NEMP1: variants seen among roughly 807,000 people sequenced by gnomAD.
The protein encoded by NEMP1 is transmembrane protein 194.
Under a neutral mutation model 53.7 loss-of-function variants are expected in NEMP1, and 29 were observed. The ratio of observed to expected loss-of-function variants is 0.54; its 90% confidence interval spans 0.40 to 0.74. The LOEUF (loss-of-function observed/expected upper bound fraction) is 0.74, where lower values mean the gene tolerates loss of function less well. Among genes scored for constraint, NEMP1 ranks in the 30% least tolerant of loss-of-function variants. The pLI, the probability that NEMP1 is intolerant of heterozygous loss-of-function variation, is 0.00. For missense variants in NEMP1, 477 were observed against 528.6 expected (o/e 0.90, Z 0.96); for synonymous variants, 193 against 192.9 (o/e 1.00, Z 0.00).
At chr12:57,079,135 C>T (rs1202931936), upstream of NEMP1, among the ~76,000 whole-genome samples, 1 of 152,184 alleles carries the variant, frequency 6.6e-6, no homozygotes, top group Non-Finnish European at 1.5e-5. Context: ...TCTGAAGTTC[C>T]TTCCGTTTTC....
intron 4 of NEMP1, among the ~76,000 whole-genome samples, 184 bp downstream of exon 4, chr12:57,069,050 T>C (rs2032225055): frequency 6.6e-6 from 1 of 152,164 alleles, no homozygotes. Flanking sequence ...ATTGTCAACA[T>C]TGTTCAAATA....
In NEMP1 at chr12:57,058,991, A is replaced by G. The variant is rs980324946; in HGVS notation, c.*888T>C. On this transcript the variant is annotated 3_prime_UTR_variant, in exon 9 of 9. Transcript: ENST00000300128. ...TCTCCTAGCTAGCAGGAATAATGCT[A>G]CTCTGAACATACATAGTTCACAGGT... is the stretch of plus-strand genomic sequence containing the variant. 5 of 152,212 alleles carry G rather than the reference A, an allele frequency of 3.3e-5. No individual in the cohort carries two copies. The highest frequency in any genetic ancestry group is 1.2e-4 in the African/African-American group (5 of 41,458). The allele number at this position is 152,212 out of a possible 1,614,324, so 9.4% of individuals were successfully genotyped here.
intron 7 of NEMP1, among the ~76,000 whole-genome samples, chr12:57,062,450 A>C (rs2031856506): frequency 6.6e-6 from 1 of 151,732 alleles, no homozygotes. Context: ...ATTGTGCTCC[A>C]GCCTGGGTGA....
At chr12:57,088,094 G>T (rs1197293637), upstream of NEMP1, 1 of 152,220 alleles carries the variant, frequency 6.6e-6, no homozygotes, top group African/African-American at 2.4e-5. Flanking sequence ...TCTTCCACTA[G>T]ACTCTCGGGC....
At chr12:57,066,200 A>G (rs1486539789) in intron 4 of NEMP1, among the ~76,000 whole-genome samples, 1 of 152,158 alleles carries the variant, frequency 6.6e-6, no homozygotes, top group Non-Finnish European at 1.5e-5. Flanking sequence ...GCTTGCAGTG[A>G]GCCGAGATCA....
At chr12:57,073,164 T>C (rs1177278503) in intron 1 of NEMP1, among the ~76,000 whole-genome samples, 2 of 151,294 alleles carry the variant, frequency 1.3e-5, no homozygotes, top group East Asian at 3.9e-4. Context: ...AGTATCTATT[T>C]TTTTTTTTTT....
intron 1 of NEMP1, among the ~76,000 whole-genome samples, chr12:57,086,320 C>T (rs1448649850): frequency 6.6e-6 from 1 of 152,158 alleles, no homozygotes; most frequent in East Asian, 1.9e-4. Context: ...AGGAGACCAG[C>T]ACAGATAAAA....
In NEMP1 at chr12:57,059,069, AGAG is replaced by A. The variant is rs1237487791; in HGVS notation, c.*807_*809del. The stretch of plus-strand genomic sequence containing the variant: ...AAAGGCAGGGTAAGGAAGAATGGGA[AGAG>A]AAGAATACAAATGTTTTTTAAGATG... On this transcript the variant is annotated 3_prime_UTR_variant, in exon 9 of 9. Transcript: ENST00000300128. 1.3e-5 allele frequency: 2 copies of A among 152,266 alleles called. No homozygotes were observed. The highest frequency in any genetic ancestry group is 2.9e-5 in the Non-Finnish European group (2 of 68,050). The allele number at this position is 152,266 out of a possible 1,614,324, so 9.4% of individuals were successfully genotyped here.
chr12:57,085,449 C>T (rs984680351), intron 1 of NEMP1, among the ~76,000 whole-genome samples: 10 of 152,202 alleles, frequency 6.6e-5, no homozygotes, highest in Admixed American at 4.6e-4. Context: ...CCCTCTTATA[C>T]TTCTGTCATT....
At chr12:57,072,029 G>A (rs887665212) in intron 2 of NEMP1, among the ~76,000 whole-genome samples, 2 of 152,180 alleles carry the variant, frequency 1.3e-5, no homozygotes, top group Admixed American at 6.6e-5. Context: ...TCTTCAGCTC[G>A]GGGGTTTATG....
intron 8 of NEMP1, 150 bp downstream of exon 8, chr12:57,060,622 G>T: frequency 1.3e-6 from 1 of 769,574 alleles, no homozygotes; most frequent in Non-Finnish European, 2.1e-6. Flanking sequence ...TGCTTAATGT[G>T]TGATTATATA....
At position 57,078,770 on chromosome 12, in the gene NEMP1, C is replaced by T. The variant is rs762686042; in HGVS notation, c.-25G>A. ...TGGTTGCCTCAAGCCACCTCCTCCT[C>T]ACGTGCCTTACCCCAGCAACTAACT... On this transcript the variant is annotated 5_prime_UTR_variant, in exon 1 of 9. Transcript: ENST00000300128. The T allele has an allele frequency of 1.2e-6, 2 of 1,601,572 alleles. No individual in the cohort carries two copies. Among genetic ancestry groups the T allele is most frequent in the Non-Finnish European group, 8.5e-7 (1 of 1,171,872 alleles).
At chr12:57,061,778 A>G (rs2031821706) in intron 7 of NEMP1, among the ~76,000 whole-genome samples, 1 of 151,986 alleles carries the variant, frequency 6.6e-6, no homozygotes, top group African/African-American at 2.4e-5. Flanking sequence ...AGGTGGGCAG[A>G]TCACAAGGTC....
intron 1 of NEMP1, among the ~76,000 whole-genome samples, chr12:57,085,886 T>C (rs1363187727): frequency 5.9e-5 from 9 of 152,258 alleles, no homozygotes; most frequent in Admixed American, 1.3e-4. Context: ...CTGTGTCATG[T>C]GCCCTTTCAA....
At chr12:57,075,315 G>A (rs1038445824) in intron 1 of NEMP1, among the ~76,000 whole-genome samples, 1 of 151,088 alleles carries the variant, frequency 6.6e-6, no homozygotes, top group African/African-American at 2.4e-5. Flanking sequence ...ATGAACCCGG[G>A]AAGTGGAGCT....
upstream of NEMP1, among the ~76,000 whole-genome samples, chr12:57,081,678 C>T (rs868852178): frequency 6.4e-4 from 96 of 150,226 alleles, no homozygotes; most frequent in Non-Finnish European, 1.2e-3. Flanking sequence ...GAGGCTGAGG[C>T]GGGCGGATCA....
chr12:57,087,066 C>T (rs201807508), intron 1 of NEMP1, among the ~76,000 whole-genome samples: 1 of 152,198 alleles, frequency 6.6e-6, no homozygotes. Flanking sequence ...GGGCAGGCCC[C>T]TTCTGCGGAA....
At chr12:57,080,554 G>C (rs1218127462), upstream of NEMP1, among the ~76,000 whole-genome samples, 1 of 149,938 alleles carries the variant, frequency 6.7e-6, no homozygotes, top group East Asian at 1.9e-4. Context: ...ACTCCAGACT[G>C]GGTGACAGAG....
At chr12:57,082,794 T>G (rs924707856), upstream of NEMP1, among the ~76,000 whole-genome samples, 3 of 151,934 alleles carry the variant, frequency 2.0e-5, no homozygotes, top group Admixed American at 1.3e-4. Flanking sequence ...GGTGGATCAC[T>G]TGAGCCTAGG....
Sources: allele counts gnomAD v4.1 joint callset (sites outside exome capture counted in the v4.1 genomes callset), GRCh38; gene constraint gnomAD v4.1.1; transcripts MANE v1.5; gene names NCBI Gene and HGNC (gene_info 2026-07-23, HGNC 2026-07-21).